TTLL6: variants seen among roughly 807,000 people sequenced by gnomAD.
TTLL6 encodes the protein tubulin polyglutamylase TTLL6.
Under a neutral mutation model 96.4 loss-of-function variants are expected in TTLL6, and 75 were observed. The observed-to-expected ratio is 0.78, with a 90% CI of 0.65 to 0.94. TTLL6 has a LOEUF of 0.94. TTLL6 is among the 40% of genes least tolerant of loss of function. The pLI is 0.00. For missense variants in TTLL6, 1,030 were observed against 1,093.0 expected, an observed-to-expected ratio of 0.94 and a Z score of 0.81; for synonymous variants, 411 against 419.4, an observed-to-expected ratio of 0.98 and a Z score of 0.24.
chr17:48,785,317 T>C (rs1597976599), intron 12 of TTLL6, 116 bp from the exon 13 acceptor site: 2 of 1,437,722 alleles, frequency 1.4e-6, no homozygotes, highest in East Asian at 2.3e-5. Flanking sequence ...AAGCAGTCGA[T>C]AGTAAAGTCT....
intron 5 of TTLL6, 41 bp from the exon 6 acceptor site, chr17:48,799,801 G>A: frequency 6.5e-7 from 1 of 1,530,806 alleles, no homozygotes; most frequent in East Asian, 2.5e-5. Flanking sequence ...CTTTAGCTGG[G>A]GAGCAATGAA....
chr17:48,769,793 A>G lies in TTLL6; in HGVS notation c.2345T>C (p.Leu782Pro). 1 of 1,614,240 alleles carries G rather than the reference A, an allele frequency of 6.2e-7. No homozygotes were observed. Among genetic ancestry groups the G allele is most frequent in the Non-Finnish European group, 8.5e-7 (1 of 1,180,034 alleles). The change falls in exon 14 of 16, where the codon CTG becomes CCG. Residue 782 changes from leucine to proline, a missense_variant. Transcript: ENST00000393382. ...TGGGAAGAAGGAGAGCTTCCCACTC[A>G]GTTGAAGCTTGGTGAGTAGCTCGGA... ...LISELLTKLQLSGKLSFFPAH... is the reference protein window; with the variant it reads ...LISELLTKLQPSGKLSFFPAH...
intron 13 of TTLL6, among the ~76,000 whole-genome samples, chr17:48,777,398 C>T (rs993510015): frequency 6.6e-6 from 1 of 151,998 alleles, no homozygotes; most frequent in Admixed American, 6.6e-5. Context: ...AGTTCGAGAC[C>T]AGCCTGACCA....
intron 6 of TTLL6, among the ~76,000 whole-genome samples, chr17:48,797,615 C>T (rs555759591): frequency 2.0e-5 from 3 of 151,136 alleles, no homozygotes; most frequent in East Asian, 3.9e-4. Flanking sequence ...GGCAAAACCC[C>T]GTCTGTACTA....
chr17:48,809,923 A>C (rs938045380), intron 1 of TTLL6, among the ~76,000 whole-genome samples: 4 of 152,086 alleles, frequency 2.6e-5, no homozygotes, highest in African/African-American at 9.6e-5. Flanking sequence ...GCCTCAACTG[A>C]GGTCGGGAGT....
At chr17:48,792,271 T>C (rs1426732808) in intron 8 of TTLL6, among the ~76,000 whole-genome samples, 6 of 152,152 alleles carry the variant, frequency 3.9e-5, no homozygotes, top group Non-Finnish European at 8.8e-5. Flanking sequence ...TCATGTGGAA[T>C]AGTTCATGAG....
intron 1 of TTLL6, among the ~76,000 whole-genome samples, chr17:48,805,902 G>A (rs1246577296): frequency 1.3e-5 from 2 of 152,178 alleles, no homozygotes; most frequent in Non-Finnish European, 2.9e-5. Flanking sequence ...CTGAGGTCGG[G>A]AGATTGAGAC....
chr17:48,766,320 C>A (rs2038603865), intron 15 of TTLL6, among the ~76,000 whole-genome samples: 1 of 152,172 alleles, frequency 6.6e-6, no homozygotes, highest in African/African-American at 2.4e-5. Context: ...GAGACATAGT[C>A]CATGCCACTA....
At chr17:48,780,346 T>A (rs1363885087) in intron 13 of TTLL6, among the ~76,000 whole-genome samples, 1 of 152,120 alleles carries the variant, frequency 6.6e-6, no homozygotes, top group Non-Finnish European at 1.5e-5. Context: ...GCGCCCAGAC[T>A]CTACTTTAAA....
At position 48,769,925 on chromosome 17, in the gene TTLL6, T is replaced by C; in HGVS notation, c.2213A>G (p.Lys738Arg). 6.2e-7 allele frequency: 1 copy of C among 1,614,202 alleles called. No individual in the cohort carries two copies. Among genetic ancestry groups the C allele is most frequent in the Non-Finnish European group, 8.5e-7 (1 of 1,180,038 alleles). Residue 738 changes from lysine to arginine, a missense_variant, in exon 14 of 16, where the codon AAG becomes AGG. By Grantham distance (26) the Lys-to-Arg change is conservative. Transcript: ENST00000393382. ...GGGCAGAAAAGATTTTAACATTTTC[T>C]TCTGGGTTAAGTGTGGAGGGGTCTG... ...KQQTPPHLTQ[K>R]KMLKSFLPTK...
intron 1 of TTLL6, among the ~76,000 whole-genome samples, chr17:48,808,375 T>C (rs1458406118): frequency 1.1e-5 from 1 of 89,266 alleles, no homozygotes; most frequent in Non-Finnish European, 2.4e-5. Context: ...CTCATATGTA[T>C]GTGTGTGTGT....
At chr17:48,765,104 G>A (rs2038573260) in intron 15 of TTLL6, among the ~76,000 whole-genome samples, 1 of 152,164 alleles carries the variant, frequency 6.6e-6, no homozygotes, top group Non-Finnish European at 1.5e-5. Flanking sequence ...TTGAGTATCA[G>A]CTTTTTTTTC....
rs1221367247 is a variant in TTLL6, at chr17:48,770,044, G to A, written c.2094C>T (p.Ser698=). The A allele has an allele frequency of 6.2e-7, 1 of 1,613,970 alleles. No individual in the cohort carries two copies. The highest frequency in any genetic ancestry group is 8.5e-7 in the Non-Finnish European group (1 of 1,179,934). The change falls in exon 14 of 16, where the codon TCC becomes TCT. Residue 698 remains serine (S), a synonymous_variant. Transcript: ENST00000393382. ...CAGCCAGGGTTGGCGGAGACTTTGG[G>A]GAGATTGAGAGTTGGGTGGTGGATT... ...TPESTTQLSI[S]PKSPPTLAVT...
At chr17:48,791,636 A>T (rs762339324) in intron 8 of TTLL6, 33 bp from the exon 9 acceptor site, 3 of 1,560,474 alleles carry the variant, frequency 1.9e-6, no homozygotes, top group Non-Finnish European at 2.6e-6. Context: ...GAGGCAGTGT[A>T]GCTGGCTTCT....
chr17:48,788,196 A>G (rs761226337), intron 10 of TTLL6, among the ~76,000 whole-genome samples, 197 bp from the exon 11 acceptor site: 8 of 152,216 alleles, frequency 5.3e-5, no homozygotes, highest in Non-Finnish European at 1.0e-4. Context: ...CCAATGTCAT[A>G]ATGCACTAAA....
intron 13 of TTLL6, among the ~76,000 whole-genome samples, chr17:48,779,964 G>A (rs2038955520): frequency 6.6e-6 from 1 of 151,918 alleles, no homozygotes; most frequent in East Asian, 1.9e-4. Context: ...ACTTTCTGGA[G>A]ATATCAAAAT....
intron 15 of TTLL6, among the ~76,000 whole-genome samples, chr17:48,763,411 A>G (rs1467430783): frequency 1.3e-5 from 2 of 152,210 alleles, no homozygotes; most frequent in Non-Finnish European, 2.9e-5. Flanking sequence ...TATCATCCTC[A>G]TCAGCAATAG....
chr17:48,786,761 CATAAT>C (rs2039106085), intron 11 of TTLL6, among the ~76,000 whole-genome samples: 1 of 151,010 alleles, frequency 6.6e-6, no homozygotes, highest in Non-Finnish European at 1.5e-5. Context: ...CAAAAGGTGA[CATAAT>C]ATAGCAGAAA....
intron 12 of TTLL6, 31 bp downstream of exon 12, chr17:48,786,133 G>A (rs369868804): frequency 1.2e-6 from 2 of 1,613,364 alleles, no homozygotes; most frequent in African/African-American, 2.7e-5. Context: ...GAAGGGTGTG[G>A]CTACGTGTGT....
Sources: gnomAD v4.1 joint callset for allele counts (sites outside exome capture counted in the v4.1 genomes callset) on GRCh38, gnomAD v4.1.1 for gene constraint, MANE v1.5 for transcripts, NCBI Gene and HGNC (gene_info 2026-07-23, HGNC 2026-07-21) for gene names.